Variants in NEDD4L observed in about 807,000 individuals in gnomAD.
The protein encoded by NEDD4L is NEDD4 like E3 ubiquitin protein ligase, also known as E3 ubiquitin-protein ligase NEDD4-like.
NEDD4L carries 54 observed loss-of-function variants against 148.9 expected under a neutral mutation model. The observed-to-expected ratio is 0.36, with a 90% CI of 0.29 to 0.45. The LOEUF is 0.45. Ranked by LOEUF, NEDD4L falls within the 20% of genes least tolerant of loss-of-function variation. The pLI is 1.00. For synonymous variants in NEDD4L, 433 were observed against 440.7 expected, an observed-to-expected ratio of 0.98 and a Z score of 0.22; for missense variants, 856 against 1,233.8, an observed-to-expected ratio of 0.69 and a Z score of 4.59.
intron 2 of NEDD4L, among the ~76,000 whole-genome samples, chr18:58,179,604 G>T (rs567710047): frequency 1.3e-5 from 2 of 152,120 alleles, no homozygotes; most frequent in African/African-American, 4.8e-5. Context: ...CCTGAGCTCC[G>T]CTGCCTCTCG....
At chr18:58,280,803 A>G (rs531650980) in intron 5 of NEDD4L, among the ~76,000 whole-genome samples, 1 of 152,354 alleles carries the variant, frequency 6.6e-6, no homozygotes, top group South Asian at 2.1e-4. Flanking sequence ...TCAGTATGGC[A>G]TATAGTCCCA....
chr18:58,220,501 C>A (rs976428006), intron 2 of NEDD4L, among the ~76,000 whole-genome samples: 1 of 152,170 alleles, frequency 6.6e-6, no homozygotes, highest in Non-Finnish European at 1.5e-5. Context: ...TCTAAGCCTT[C>A]AGCAGTCCTC....
intron 1 of NEDD4L, among the ~76,000 whole-genome samples, chr18:58,136,666 G>A (rs1360310508): frequency 1.3e-5 from 2 of 152,190 alleles, no homozygotes; most frequent in Non-Finnish European, 2.9e-5. Context: ...GAAAAGTGAA[G>A]CAACATTCCA....
At chr18:58,274,536 G>A (rs1600551044) in intron 5 of NEDD4L, among the ~76,000 whole-genome samples, 1 of 152,214 alleles carries the variant, frequency 6.6e-6, no homozygotes, top group East Asian at 1.9e-4. Context: ...GCCCCCAAGG[G>A]AGTTGAAAGA....
intron 1 of NEDD4L, among the ~76,000 whole-genome samples, chr18:58,057,486 A>G (rs945996529): frequency 6.6e-6 from 1 of 152,114 alleles, no homozygotes; most frequent in Non-Finnish European, 1.5e-5. Flanking sequence ...CCAGGGTGAG[A>G]ATCTCGCTTG....
At chr18:58,288,240 C>T (rs2054210249) in intron 5 of NEDD4L, among the ~76,000 whole-genome samples, 1 of 152,220 alleles carries the variant, frequency 6.6e-6, no homozygotes, top group Admixed American at 6.5e-5. Flanking sequence ...AAAACATCTG[C>T]TGAAAGCCGG....
At chr18:58,178,122 T>C (rs569665470) in intron 2 of NEDD4L, among the ~76,000 whole-genome samples, 27 of 152,298 alleles carry the variant, frequency 1.8e-4, no homozygotes, top group African/African-American at 6.3e-4. Flanking sequence ...CAACCTCTGA[T>C]GTTATAAGCC....
intron 1 of NEDD4L, among the ~76,000 whole-genome samples, chr18:58,130,603 A>G (rs1454267117): frequency 3.1e-5 from 3 of 97,236 alleles, no homozygotes; most frequent in Admixed American, 1.2e-4. Context: ...GGTTTGGTTG[A>G]CTGTGATCTA....
rs187844491 is a variant in NEDD4L, at chr18:58,092,946, C to A, written c.48+48238C>A. On this transcript the variant is annotated intron_variant, in intron 1 of 30. Coordinates refer to ENST00000400345, the MANE Select transcript of NEDD4L (RefSeq NM_001144967.3). ...CATGATCTCGGCTCACTGCAAGCTC[C>A]GCCTCCCAAGTTCACGCCATTCTCC... Among the ~76,000 whole-genome samples the A allele has an allele frequency of 3.3e-5, 5 of 151,472 alleles. No individual in the cohort carries two copies. In the East Asian group the frequency reaches 9.7e-4, roughly 29 times the overall value.
In NEDD4L at chr18:58,272,604, T is replaced by C. The variant is rs572545079; in HGVS notation, c.297+20550T>C. Among the ~76,000 whole-genome samples, 3 of 151,210 alleles carry C rather than the reference T, an allele frequency of 2.0e-5. No homozygotes were observed. The South Asian group carries it at 6.3e-4, about 32-fold the overall frequency. Reference sequence around the variant, plus strand: ...GTGATTACACCACTATACTCCAGCCTGGGTGACAGAGCGAGACCCTGTCTC... The same window carrying C: ...GTGATTACACCACTATACTCCAGCCCGGGTGACAGAGCGAGACCCTGTCTC... On this transcript the variant is annotated intron_variant, in intron 5 of 30. Coordinates refer to ENST00000400345, the MANE Select transcript of NEDD4L (RefSeq NM_001144967.3).
At position 58,341,086 on chromosome 18, in the gene NEDD4L, GAAGA is replaced by G; in HGVS notation, c.1181_1184del (p.Arg394LysfsTer42). 6.2e-7 allele frequency: 1 copy of G among 1,611,892 alleles called. No homozygotes were observed. Among genetic ancestry groups the G allele is most frequent in the Non-Finnish European group, 8.5e-7 (1 of 1,178,998 alleles). Reference sequence around the variant, plus strand: ...CACGCCGGGTCTGCCTTCAGGCTGGGAAGAAAGAAAAGATGCTAAGGGGCGCACA... The same window carrying G: ...CACGCCGGGTCTGCCTTCAGGCTGGGAAGAAAAGATGCTAAGGGGCGCACA... On this transcript the variant is annotated frameshift_variant, in exon 14 of 31. Transcript: ENST00000400345. LOFTEE classifies it high-confidence loss of function.
intron 9 of NEDD4L, among the ~76,000 whole-genome samples, chr18:58,328,484 A>T (rs528870497): frequency 1.3e-5 from 2 of 152,320 alleles, no homozygotes; most frequent in South Asian, 4.1e-4. Flanking sequence ...AGCTGAAAAA[A>T]ATTCATGTTG....
chr18:58,171,480 C>T (rs2037497980), intron 2 of NEDD4L, among the ~76,000 whole-genome samples: 1 of 152,252 alleles, frequency 6.6e-6, no homozygotes, highest in African/African-American at 2.4e-5. Context: ...AACACTGCTG[C>T]TCCTGGGGCT....
chr18:58,166,119 T>C (rs2146624460), intron 2 of NEDD4L, among the ~76,000 whole-genome samples: 1 of 152,326 alleles, frequency 6.6e-6, no homozygotes, highest in South Asian at 2.1e-4. Context: ...TGAGATTAGC[T>C]TCTGGTGTTG....
chr18:58,235,485 T>C (rs532387509), intron 2 of NEDD4L, among the ~76,000 whole-genome samples: 1 of 152,300 alleles, frequency 6.6e-6, no homozygotes, highest in East Asian at 1.9e-4. Flanking sequence ...TGGGAACCAA[T>C]GTCTGCCAGA....
intron 2 of NEDD4L, among the ~76,000 whole-genome samples, chr18:58,206,215 C>T (rs145536194): frequency 6.6e-6 from 1 of 152,176 alleles, no homozygotes; most frequent in African/African-American, 2.4e-5. Flanking sequence ...GTGGCGAAAC[C>T]CTGTCTCTAC....
intron 24 of NEDD4L, among the ~76,000 whole-genome samples, chr18:58,380,674 T>A (rs2048225049): frequency 6.6e-6 from 1 of 152,154 alleles, no homozygotes; most frequent in South Asian, 2.1e-4. Flanking sequence ...GCTGCACCCA[T>A]CAACCCATCA....
chr18:58,231,507 A>G (rs1380281091), intron 2 of NEDD4L, among the ~76,000 whole-genome samples: 1 of 152,072 alleles, frequency 6.6e-6, no homozygotes, highest in Non-Finnish European at 1.5e-5. Context: ...GAAAACTGTG[A>G]AGATACTAGA....
At chr18:58,385,149 A>G (rs2048838461) in intron 25 of NEDD4L, among the ~76,000 whole-genome samples, 1 of 152,208 alleles carries the variant, frequency 6.6e-6, no homozygotes, top group African/African-American at 2.4e-5. Context: ...GGGTGTGTGC[A>G]TCTTATACAT....
Sources: allele counts gnomAD v4.1 joint callset (sites outside exome capture counted in the v4.1 genomes callset), GRCh38; gene constraint gnomAD v4.1.1; transcripts MANE v1.5; gene names NCBI Gene and HGNC (gene_info 2026-07-23, HGNC 2026-07-21).